Variants in HEATR6 observed in about 807,000 individuals in gnomAD.
The protein encoded by HEATR6 is HEAT repeat-containing protein 6.
A neutral mutation model predicts 132.8 loss-of-function variants in HEATR6; 106 were observed. The ratio of observed to expected loss-of-function variants is 0.80; its 90% CI spans 0.68 to 0.94. HEATR6 has a LOEUF of 0.94. HEATR6 is among the 40% of genes least tolerant of loss of function. The pLI, the probability that HEATR6 is intolerant of heterozygous loss-of-function variation, is 0.00. For synonymous variants in HEATR6, 529 were observed against 537.8 expected (o/e 0.98, Z 0.23); for missense variants, 1,339 against 1,425.1 (o/e 0.94, Z 0.97).
chr17:60,048,487 A>G (rs969221313), intron 16 of HEATR6, 99 bp from the exon 17 acceptor site: 25 of 1,143,070 alleles, frequency 2.2e-5, no homozygotes, highest in Non-Finnish European at 3.0e-5. Flanking sequence ...GCCTTCATGC[A>G]CATTTCTACT....
chr17:60,055,884 C>T (rs1417909775), intron 13 of HEATR6, among the ~76,000 whole-genome samples: 2 of 152,204 alleles, frequency 1.3e-5, no homozygotes, highest in Admixed American at 6.5e-5. Flanking sequence ...CTGAAATCAA[C>T]AGCTATATCT....
chr17:60,041,031 T>G lies in HEATR6; in HGVS notation c.*2532A>C, dbSNP rs971923082. ...GAGCTGTGTGCTGATTTTCATCAGC[T>G]TAAGTTGTCTTTATTGTCAGTGGCT... On this transcript the variant is annotated 3_prime_UTR_variant, in exon 20 of 20. Transcript: ENST00000184956. 6.6e-6 allele frequency among the ~76,000 whole-genome samples: 1 copy of G among 152,234 alleles called. No homozygotes were observed. Among genetic ancestry groups the G allele is most frequent in the East Asian group, 1.9e-4 (1 of 5,204 alleles).
At chr17:60,068,250 C>T (rs1459146824) in intron 7 of HEATR6, among the ~76,000 whole-genome samples, 2 of 152,084 alleles carry the variant, frequency 1.3e-5, no homozygotes, top group Admixed American at 6.5e-5. Flanking sequence ...ACATACAATG[C>T]TCATTTCAGG....
chr17:60,076,299 A>G (rs2083296493), intron 1 of HEATR6, 62 bp from the exon 2 acceptor site: 2 of 828,916 alleles, frequency 2.4e-6, no homozygotes, highest in Non-Finnish European at 3.9e-6. Flanking sequence ...TCCTCAAAAC[A>G]CAGCCAAATG....
intron 12 of HEATR6, among the ~76,000 whole-genome samples, 172 bp downstream of exon 12, chr17:60,056,876 A>C (rs1906758882): frequency 6.6e-6 from 1 of 152,208 alleles, no homozygotes; most frequent in South Asian, 2.1e-4. Context: ...ACAACCAAAG[A>C]ACACCTCCCC....
chr17:60,054,387 G>A (rs913294913), intron 14 of HEATR6, among the ~76,000 whole-genome samples: 1 of 152,254 alleles, frequency 6.6e-6, no homozygotes, highest in Non-Finnish European at 1.5e-5. Flanking sequence ...TACTAGGGCA[G>A]TGCCAAAGAG....
rs199803801 is a variant in HEATR6 at position 60,073,776 on chromosome 17, C to T, written c.438G>A (p.Leu146=). The change falls in exon 3 of 20, where the codon CTG becomes CTA. Residue 146 remains leucine, a synonymous_variant. Transcript: ENST00000184956. ...GACATTTGGAGCCATTGCAGTACACCAGAGCTGCCAGGGCTTGAAGAATTT... is the reference window on the plus strand; with the variant it reads ...GACATTTGGAGCCATTGCAGTACACTAGAGCTGCCAGGGCTTGAAGAATTT... ...HREILQALAA[L]VYCNGSKCQK... The T allele has an allele frequency of 6.2e-7, 1 of 1,614,020 alleles. No individual in the cohort carries two copies. Among genetic ancestry groups the T allele is most frequent in the Non-Finnish European group, 8.5e-7 (1 of 1,179,924 alleles).
At chr17:60,075,552 T>C (rs1435442377) in intron 2 of HEATR6, 3 of 152,196 alleles carry the variant, frequency 2.0e-5, no homozygotes, top group African/African-American at 7.2e-5. Flanking sequence ...CTACTTCTTA[T>C]ATTTTAGAAG....
At chr17:60,073,966 A>G in intron 2 of HEATR6, 80 bp from the exon 3 acceptor site, 1 of 1,523,164 alleles carries the variant, frequency 6.6e-7, no homozygotes, top group Non-Finnish European at 8.8e-7. Flanking sequence ...GCTCACCTGA[A>G]TCAAGCTGTA....
At chr17:60,076,490 C>T (rs2083297613) in intron 1 of HEATR6, 1 of 387,300 alleles carries the variant, frequency 2.6e-6, no homozygotes, top group Non-Finnish European at 4.7e-6. Flanking sequence ...TGCTTGAGCC[C>T]AGGAGTCCAA....
At position 60,043,832 on chromosome 17, in the gene HEATR6, C is replaced by A. The variant is rs1180680853; in HGVS notation, c.3277G>T (p.Glu1093Ter). The change falls in exon 20 of 20, where the codon GAA (glutamate) becomes TAA (stop). Residue 1093 changes from glutamate (E) to a stop codon, truncating the protein, a stop_gained. Transcript: ENST00000184956. LOFTEE classifies it high-confidence loss of function. ...ASASDLPCMK[E>*]TLELSGNMVQ... ...ATATTCCCACTCAGTTCAAGGGTTT[C>A]TTTCATACAAGGGAGGTCCGAGGCA... 6 of 1,614,092 alleles carry A rather than the reference C, an allele frequency of 3.7e-6. No individual in the cohort carries two copies. Among genetic ancestry groups the A allele is most frequent in the Non-Finnish European group, 5.1e-6 (6 of 1,180,052 alleles).
At position 60,043,273 on chromosome 17, in the gene HEATR6, T is replaced by C. The variant is rs556440089; in HGVS notation, c.*290A>G. The C allele has an allele frequency of 5.3e-5, 19 of 358,380 alleles. No individual in the cohort carries two copies. Among genetic ancestry groups the C allele is most frequent in the African/African-American group, 3.6e-4 (17 of 47,628 alleles). 22.2% of individuals were successfully genotyped at this position (358,380 alleles called of 1,614,324 possible). A position where few individuals can be genotyped will look rare whatever the true frequency, so the allele number is the denominator to read the frequency against. ...CCGAAATCCTTCTACATTTTTTTTT[T>C]CTGAGACTAAATGCCCTCAAAGCCC... On this transcript the variant is annotated 3_prime_UTR_variant, in exon 20 of 20. Transcript: ENST00000184956.
At chr17:60,061,821 C>T (rs568158013) in intron 9 of HEATR6, among the ~76,000 whole-genome samples, 1 of 152,374 alleles carries the variant, frequency 6.6e-6, no homozygotes, top group East Asian at 1.9e-4. Flanking sequence ...GAGGCTCGTC[C>T]GAACTCAACA....
intron 10 of HEATR6, 71 bp downstream of exon 10, chr17:60,059,819 T>G (rs1906873784): frequency 7.2e-6 from 8 of 1,114,108 alleles, no homozygotes; most frequent in South Asian, 1.3e-5. Context: ...AAGTTACTTT[T>G]GAGCTATGTA....
chr17:60,061,829 A>G (rs144280070), intron 9 of HEATR6, among the ~76,000 whole-genome samples: 1 of 152,400 alleles, frequency 6.6e-6, no homozygotes, highest in East Asian at 1.9e-4. Context: ...TCCGAACTCA[A>G]CAAGATAGAT....
At chr17:60,066,084 A>T (rs2083238871) in intron 9 of HEATR6, 125 bp downstream of exon 9, 1 of 762,204 alleles carries the variant, frequency 1.3e-6, no homozygotes, top group African/African-American at 1.8e-5. Flanking sequence ...CCAGTGGTCA[A>T]GTCGGAACTT....
intron 14 of HEATR6, 108 bp from the exon 15 acceptor site, chr17:60,051,085 G>T: frequency 8.4e-7 from 1 of 1,195,058 alleles, no homozygotes; most frequent in Non-Finnish European, 1.2e-6. Flanking sequence ...CCTTAAAGTA[G>T]CAGCTTTCTG....
At chr17:60,046,349 T>C (rs1183643652) in intron 18 of HEATR6, 120 bp from the exon 19 acceptor site, 4 of 674,836 alleles carry the variant, frequency 5.9e-6, no homozygotes, top group South Asian at 2.1e-5. Context: ...TCCTTGGAAC[T>C]CACAAGGTCT....
rs1906555349 is a variant in HEATR6 at position 60,050,850 on chromosome 17, T to C, written c.2417A>G (p.Asn806Ser). ...AAAACACCCTCACATTACCGGCAGA[T>C]TGCTGAAGGCCTCTGGCAAGATGGA... is the stretch of plus-strand genomic sequence containing the variant. ...LSSILPEAFS[N>S]LPNDRQMLCI... The change falls in exon 15 of 20, where the codon AAT becomes AGT. Residue 806 changes from asparagine to serine, a missense_variant. By Grantham distance (46) the Asn-to-Ser change is conservative. Transcript: ENST00000184956. 3 of 1,614,074 alleles carry C rather than the reference T, an allele frequency of 1.9e-6. No individual in the cohort carries two copies. In the East Asian group the frequency reaches 6.7e-5, roughly 36 times the overall value.
Sources: gnomAD v4.1 joint callset for allele counts (sites outside exome capture counted in the v4.1 genomes callset) on GRCh38, gnomAD v4.1.1 for gene constraint, MANE v1.5 for transcripts, NCBI Gene and HGNC (gene_info 2026-07-23, HGNC 2026-07-21) for gene names.